KRT2: variants seen among roughly 807,000 people sequenced by gnomAD.
The protein encoded by KRT2 is keratin, type II cytoskeletal 2 epidermal.
A neutral mutation model predicts 48.5 loss-of-function variants in KRT2; 37 were observed. The ratio of observed to expected loss-of-function variants is 0.76; its 90% confidence interval spans 0.59 to 1.00. KRT2 has a LOEUF of 1.00. Among genes scored for constraint, KRT2 ranks in the 50% least tolerant of loss-of-function variants. The probability of loss-of-function intolerance (pLI) is 0.00; values close to 1 mark genes in which losing one functional copy is unlikely to be tolerated. For missense variants in KRT2, 880 were observed against 815.2 expected, an observed-to-expected ratio of 1.08 and a Z score of -0.97; for synonymous variants, 324 against 312.2, an observed-to-expected ratio of 1.04 and a Z score of -0.40.
chr12:52,646,705 G>T lies in KRT2; in HGVS notation c.1469+35C>A, dbSNP rs753857968. ...GGCTCTGGGAGAGATGAGAGGAAGG[G>T]CCAGGGTCCCCTTCTCCCTTCCCAG... On this transcript the variant is annotated intron_variant, in intron 7 of 8. Transcript: ENST00000309680. 2.1e-5 allele frequency: 33 copies of T among 1,609,750 alleles called. No homozygotes were observed. In the East Asian group the frequency reaches 7.1e-4, roughly 35 times the overall value.
At position 52,650,475 on chromosome 12, in the gene KRT2, G is replaced by C. The variant is rs1165900096; in HGVS notation, c.664C>G (p.Pro222Ala). Residue 222 changes from proline (P) to alanine (A), a missense_variant, in exon 2 of 9, where the codon CCC becomes GCC. Pro to Ala is a conservative substitution (Grantham distance 27). Transcript: ENST00000309680. ...TGGAAGATGGGCTCCAGGTTGATGGGGCGGGTGCCAACATTCATTTGTTGT... is the reference window on the plus strand; with the variant it reads ...TGGAAGATGGGCTCCAGGTTGATGGCGCGGGTGCCAACATTCATTTGTTGT... ...LLQQMNVGTR[P>A]INLEPIFQGY... 6.2e-7 allele frequency: 1 copy of C among 1,613,946 alleles called. No homozygotes were observed. Among genetic ancestry groups the C allele is most frequent in the East Asian group, 2.2e-5 (1 of 44,890 alleles).
intron 7 of KRT2, 43 bp downstream of exon 7, chr12:52,646,697 G>T (rs1413378402): frequency 6.2e-7 from 1 of 1,604,222 alleles, no homozygotes; most frequent in African/African-American, 1.3e-5. Context: ...GGAGAGATGA[G>T]AGGAAGGGCC....
intron 4 of KRT2, among the ~76,000 whole-genome samples, chr12:52,648,605 T>G (rs1008944593): frequency 6.6e-6 from 1 of 152,198 alleles, no homozygotes; most frequent in East Asian, 1.9e-4. Flanking sequence ...AGCTTGTCCA[T>G]GGCAAATACC....
intron 2 of KRT2, 115 bp from the exon 3 acceptor site, chr12:52,650,089 T>C (rs2120951553): frequency 2.4e-6 from 2 of 840,072 alleles, no homozygotes; most frequent in Non-Finnish European, 4.1e-6. Flanking sequence ...TACACACTTT[T>C]TAAATATCTA....
At chr12:52,649,123 T>C in intron 3 of KRT2, 21 bp from the exon 4 acceptor site, 1 of 1,479,460 alleles carries the variant, frequency 6.8e-7, no homozygotes, top group Non-Finnish European at 9.5e-7. Flanking sequence ...GGTTGAGGCC[T>C]CTGGTGTATG....
intron 5 of KRT2, 57 bp downstream of exon 5, chr12:52,648,116 G>T: frequency 6.4e-7 from 1 of 1,560,556 alleles, no homozygotes; most frequent in Non-Finnish European, 8.8e-7. Context: ...TCCAGCTGGG[G>T]GTGCAACCCA....
chr12:52,648,351 G>T lies in KRT2; in HGVS notation c.958-14C>A. 1 of 1,613,212 alleles carries T rather than the reference G, an allele frequency of 6.2e-7. No homozygotes were observed. The highest frequency in any genetic ancestry group is 8.5e-7 in the Non-Finnish European group (1 of 1,179,176). ...CTGGGATATCTCCTACAACACACAG[G>T]AAGGTCTGGTCATGACATCCTGCCA... On this transcript the variant is annotated splice_polypyrimidine_tract_variant and intron_variant, in intron 4 of 8. Coordinates refer to ENST00000309680, the MANE Select transcript of KRT2 (RefSeq NM_000423.3).
rs1303914178 is a variant in KRT2, at chr12:52,651,764, C to T, written c.379G>A (p.Gly127Arg). 2 of 1,613,712 alleles carry T rather than the reference C, an allele frequency of 1.2e-6. No individual in the cohort carries two copies. Among genetic ancestry groups the T allele is most frequent in the East Asian group, 4.5e-5 (2 of 44,872 alleles). ...AAACCTCCAACACCACCAGGGCCCC[C>T]AAAACCTCCAAAGCGGCCTCCACCA... is the stretch of plus-strand genomic sequence containing the variant. ...GFGGGRFGGF[G>R]GPGGVGGLGG... Residue 127 changes from glycine (G) to arginine (R), a missense_variant, in exon 1 of 9, where the codon GGG (glycine) becomes AGG (arginine). Physicochemically the swap from Gly to Arg is moderately radical, Grantham distance 125. Coordinates refer to ENST00000309680, the MANE Select transcript of KRT2 (RefSeq NM_000423.3).
intron 1 of KRT2, 81 bp from the exon 2 acceptor site, chr12:52,650,634 G>A: frequency 8.5e-7 from 1 of 1,176,228 alleles, no homozygotes; most frequent in Admixed American, 1.7e-5. Context: ...GGGCAGCTCA[G>A]GTGCTGCTTC....
intron 3 of KRT2, among the ~76,000 whole-genome samples, chr12:52,649,334 G>C (rs1348405359): frequency 2.0e-5 from 3 of 152,180 alleles, no homozygotes; most frequent in Non-Finnish European, 4.4e-5. Flanking sequence ...AGAGCCTCGA[G>C]ATGACCAAGC....
intron 4 of KRT2, 73 bp downstream of exon 4, chr12:52,648,934 C>T: frequency 9.9e-7 from 1 of 1,005,330 alleles, no homozygotes; most frequent in Non-Finnish European, 1.6e-6. Flanking sequence ...GCCACTTTTT[C>T]ACCAAGCAGA....
chr12:52,649,042 G>A lies in KRT2; in HGVS notation c.922C>T (p.Gln308Ter). Residue 308 changes from glutamine (Q) to a stop codon, truncating the protein, a stop_gained, in exon 4 of 9, where the codon CAG becomes TAG. Transcript: ENST00000309680. LOFTEE classifies it high-confidence loss of function. ...ELQSKVDLLN[Q>*]EIEFLKVLYD... Reference sequence around the variant, plus strand: ...AGAACTTTCAGAAACTCAATTTCCTGGTTCAGCAGGTCCACCTTGGACTGC... The same window carrying A: ...AGAACTTTCAGAAACTCAATTTCCTAGTTCAGCAGGTCCACCTTGGACTGC... 3 of 1,613,076 alleles carry A rather than the reference G, an allele frequency of 1.9e-6. No homozygotes were observed. Among genetic ancestry groups the A allele is most frequent in the South Asian group, 1.1e-5 (1 of 91,056 alleles).
At chr12:52,650,761 C>G in intron 1 of KRT2, 1 of 625,152 alleles carries the variant, frequency 1.6e-6, no homozygotes, top group Non-Finnish European at 2.9e-6. Context: ...CCGGCTCTCT[C>G]CACGCAGAGG....
Position 52,645,021 on chromosome 12 carries a change from A to C in KRT2, c.1918T>G (p.Ter640GluextTer2). ...TCGGTGGTGGTGGGGGCTCATCTTTATCTAAAAGAGAAGGTCACGCTGGAA... is the reference window on the plus strand; with the variant it reads ...TCGGTGGTGGTGGGGGCTCATCTTTCTCTAAAAGAGAAGGTCACGCTGGAA... ...FGSSVTFSFR[*>E] The change falls in exon 9 of 9, where the codon TAA becomes GAA. Residue 640 changes from the stop codon to glutamate (E), a stop_lost. Coordinates refer to ENST00000309680, the MANE Select transcript of KRT2 (RefSeq NM_000423.3). 1 of 1,613,926 alleles carries C rather than the reference A, an allele frequency of 6.2e-7. No individual in the cohort carries two copies. The highest frequency in any genetic ancestry group is 8.5e-7 in the Non-Finnish European group (1 of 1,179,894).
intron 4 of KRT2, among the ~76,000 whole-genome samples, 163 bp from the exon 5 acceptor site, chr12:52,648,500 T>C (rs1941202598): frequency 6.6e-6 from 1 of 152,186 alleles, no homozygotes; most frequent in Non-Finnish European, 1.5e-5. Flanking sequence ...CTCCCAAGGT[T>C]GTCCTGAGAA....
intron 4 of KRT2, 37 bp from the exon 5 acceptor site, chr12:52,648,374 C>T (rs746475029): frequency 6.3e-7 from 1 of 1,590,610 alleles, no homozygotes; most frequent in South Asian, 1.1e-5. Context: ...TGACATCCTG[C>T]CATAGCTACA....
At chr12:52,651,106 A>C (rs1941242242) in intron 1 of KRT2, among the ~76,000 whole-genome samples, 1 of 152,318 alleles carries the variant, frequency 6.6e-6, no homozygotes, top group South Asian at 2.1e-4. Context: ...CACAAAACTG[A>C]GAACGCTTCT....
intron 4 of KRT2, 101 bp downstream of exon 4, chr12:52,648,906 T>C: frequency 1.3e-6 from 1 of 793,028 alleles, no homozygotes; most frequent in South Asian, 1.4e-5. Flanking sequence ...AGTCAGCTGG[T>C]CCATAAACCC....
At position 52,651,831 on chromosome 12, in the gene KRT2, A is replaced by G. The variant is rs75253159; in HGVS notation, c.312T>C (p.Gly104=). Residue 104 remains glycine, a synonymous_variant, in exon 1 of 9, where the codon GGT becomes GGC. Transcript: ENST00000309680. ...GGFGGGSSFG[G]GSGFSGGGFG... is the part of the protein sequence containing the mutation. ...AACCACCACCACTGAAGCCGCTGCC[A>G]CCTCCAAAGCTGCTGCCGCCTCCAA... 1.4e-4 allele frequency: 154 copies of G among 1,116,464 alleles called. No individual in the cohort carries two copies. Among genetic ancestry groups the G allele is most frequent in the Admixed American group, 6.5e-4 (27 of 41,558 alleles). The allele number at this position is 1,116,464 out of a possible 1,614,324, so 69.2% of individuals were successfully genotyped here.
Sources: gnomAD v4.1 joint callset for allele counts (sites outside exome capture counted in the v4.1 genomes callset) on GRCh38, gnomAD v4.1.1 for gene constraint, MANE v1.5 for transcripts, NCBI Gene and HGNC (gene_info 2026-07-23, HGNC 2026-07-21) for gene names.